HUWE1: variants seen among roughly 807,000 people sequenced by gnomAD.
HUWE1 encodes HECT, UBA and WWE domain containing E3 ubiquitin protein ligase 1.
A neutral mutation model predicts 299.4 loss-of-function variants in HUWE1; 18 were observed. That is an observed-to-expected ratio of 0.06 (90% confidence interval 0.04 to 0.09). HUWE1 has a LOEUF of 0.09. HUWE1 is among the 10% of genes least tolerant of loss of function. The pLI is 1.00. For missense variants in HUWE1, 1,832 were observed against 3,462.3 expected (o/e 0.53, Z 11.82); for synonymous variants, 1,317 against 1,286.1 (o/e 1.02, Z -0.51).
chrX:53,681,498 C>T (rs931044071), intron 2 of HUWE1, among the ~76,000 whole-genome samples: 2 of 108,170 alleles, frequency 1.8e-5, no homozygotes, highest in South Asian at 3.9e-4. Flanking sequence ...TTAATAAGTA[C>T]GTTAGAAAAT....
chrX:53,597,043 A>AT (rs1432319947), intron 29 of HUWE1, among the ~76,000 whole-genome samples: 2 of 112,397 alleles, frequency 1.8e-5, no homozygotes, highest in African/African-American at 6.5e-5. Flanking sequence ...ATAAAGACAA[A>AT]TCTATAGATT....
chrX:53,623,644 G>GA (rs2066290798), intron 19 of HUWE1, among the ~76,000 whole-genome samples: 1 of 109,530 alleles, frequency 9.1e-6, no homozygotes, highest in African/African-American at 3.4e-5. Context: ...AATGTCATAA[G>GA]ACAAAAAAAA....
At chrX:53,568,381 T>C (rs902958640) in intron 49 of HUWE1, among the ~76,000 whole-genome samples, 14 of 111,344 alleles carry the variant, frequency 1.3e-4, no homozygotes, top group South Asian at 3.9e-4. Flanking sequence ...ATCTGGGTGG[T>C]AGGAATACAG....
At position 53,585,007 on chromosome X, in the gene HUWE1, T is replaced by C; in HGVS notation, c.5001+5A>G. On this transcript the variant is annotated splice_donor_5th_base_variant and intron_variant, in intron 40 of 83. Coordinates refer to ENST00000262854, the MANE Select transcript of HUWE1 (RefSeq NM_031407.7). ...GTTAGACAAGCTTGGTGAGTGAGCA[T>C]GTACCTGCACCATTGTAGTGAATTG... 8.3e-7 allele frequency: 1 copy of C among 1,211,851 alleles called. No individual in the cohort carries two copies. Among genetic ancestry groups the C allele is most frequent in the East Asian group, 3.0e-5 (1 of 33,858 alleles).
chrX:53,682,984 A>G (rs2070257441), intron 2 of HUWE1, among the ~76,000 whole-genome samples: 1 of 111,998 alleles, frequency 8.9e-6, no homozygotes, highest in African/African-American at 3.2e-5. Flanking sequence ...CAGAGCTAAG[A>G]AATCCGGATC....
intron 2 of HUWE1, 128 bp from the exon 3 acceptor site, chrX:53,680,314 A>G (rs1295075055): frequency 2.2e-5 from 6 of 276,666 alleles, no homozygotes; most frequent in African/African-American, 5.5e-5. Context: ...TAGTCCTTAC[A>G]TATCTATTTG....
In HUWE1 at chrX:53,561,748, T is replaced by C. The variant is rs1556941316; in HGVS notation, c.7507+8A>G. On this transcript the variant is annotated splice_region_variant and intron_variant, in intron 55 of 83. Transcript: ENST00000262854. ...AGAGAAAAACCCAGCTGAGCCCCTG[T>C]ATCTTACTAGCACTGGAGAACATGT... is the stretch of plus-strand genomic sequence containing the variant. 1 of 1,210,909 alleles carries C rather than the reference T, an allele frequency of 8.3e-7. No homozygotes were observed. The highest frequency in any genetic ancestry group is 1.8e-5 in the South Asian group (1 of 56,927).
chrX:53,647,908 G>A (rs1413039089), intron 5 of HUWE1, among the ~76,000 whole-genome samples: 1 of 112,148 alleles, frequency 8.9e-6, no homozygotes, highest in Non-Finnish European at 1.9e-5. Context: ...CATTTTTAGA[G>A]TTATCTAATA....
intron 7 of HUWE1, among the ~76,000 whole-genome samples, chrX:53,644,195 T>C (rs2067813311): frequency 8.9e-6 from 1 of 112,541 alleles, no homozygotes; most frequent in South Asian, 3.6e-4. Flanking sequence ...ACTACAAATG[T>C]AAATGACAGA....
chrX:53,553,223 A>C (rs1556930992), intron 61 of HUWE1, among the ~76,000 whole-genome samples: 3 of 109,360 alleles, frequency 2.7e-5, no homozygotes, highest in Non-Finnish European at 5.7e-5. Flanking sequence ...GGCTCACTGC[A>C]ATCTCCGCCT....
chrX:53,641,966 T>C (rs782601103), intron 7 of HUWE1, among the ~76,000 whole-genome samples: 2 of 111,423 alleles, frequency 1.8e-5, no homozygotes, highest in Non-Finnish European at 3.8e-5. Context: ...AGACCCCTAG[T>C]GGATACCCGA....
chrX:53,655,696 C>T lies in HUWE1; in HGVS notation c.-24-1565G>A, dbSNP rs782595998. Among the ~76,000 whole-genome samples the T allele has an allele frequency of 1.1e-4, 12 of 111,446 alleles. No homozygotes were observed. The South Asian group carries it at 2.3e-3, about 21-fold the overall frequency. ...CTCCCCTTTTCTCATAAACGTCTTA[C>T]GCAAGTGGCTGTCACACTATTGTCG... On this transcript the variant is annotated intron_variant, in intron 3 of 83. Coordinates refer to ENST00000262854, the MANE Select transcript of HUWE1 (RefSeq NM_031407.7).
At chrX:53,581,233 C>T (rs1170807532) in intron 42 of HUWE1, among the ~76,000 whole-genome samples, 1 of 112,113 alleles carries the variant, frequency 8.9e-6, no homozygotes, top group African/African-American at 3.2e-5. Flanking sequence ...TTAGACCAGA[C>T]TGCATGTGAT....
intron 66 of HUWE1, among the ~76,000 whole-genome samples, chrX:53,549,905 A>C (rs781842404): frequency 9.1e-6 from 1 of 109,905 alleles, no homozygotes; most frequent in Non-Finnish European, 1.9e-5. Context: ...AGTGCGCGCC[A>C]CCACACCCGA....
intron 19 of HUWE1, among the ~76,000 whole-genome samples, chrX:53,620,190 G>A (rs2066051426): frequency 9.1e-6 from 1 of 110,270 alleles, no homozygotes; most frequent in Non-Finnish European, 1.9e-5. Context: ...GGGTACGTAC[G>A]TTACCGCTCA....
chrX:53,668,491 G>C (rs1603269138), intron 3 of HUWE1, among the ~76,000 whole-genome samples: 1 of 106,071 alleles, frequency 9.4e-6, no homozygotes, highest in Non-Finnish European at 1.9e-5. Context: ...TGGAAGAAAA[G>C]TAAAAATGAA....
At chrX:53,582,815 C>T (rs1166195171) in intron 42 of HUWE1, among the ~76,000 whole-genome samples, 1 of 109,126 alleles carries the variant, frequency 9.2e-6, no homozygotes, top group Non-Finnish European at 1.9e-5. Context: ...GGCTGGGGAG[C>T]AATGGCACCA....
intron 74 of HUWE1, 121 bp downstream of exon 74, chrX:53,542,322 G>T (rs1278204385): frequency 1.8e-6 from 1 of 557,274 alleles, no homozygotes; most frequent in Non-Finnish European, 3.2e-6. Flanking sequence ...CAGAAACCAG[G>T]GTTTACTGGA....
intron 7 of HUWE1, among the ~76,000 whole-genome samples, chrX:53,642,642 C>T (rs1344939015): frequency 1.8e-5 from 2 of 112,388 alleles, no homozygotes; most frequent in Non-Finnish European, 3.8e-5. Context: ...CATTGCTTCA[C>T]ATACCTGCCA....
Sources: allele counts gnomAD v4.1 joint callset (sites outside exome capture counted in the v4.1 genomes callset), GRCh38; gene constraint gnomAD v4.1.1; transcripts MANE v1.5; gene names NCBI Gene and HGNC (gene_info 2026-07-23, HGNC 2026-07-21).